Variants in ZBTB20 observed in about 807,000 individuals in gnomAD.
ZBTB20 encodes the protein zinc finger and BTB domain-containing protein 20.
In ZBTB20, 9 loss-of-function variants were observed where a neutral mutation model predicts 56.9. The observed-to-expected ratio is 0.16, with a 90% CI of 0.10 to 0.28. ZBTB20 has a LOEUF of 0.28. Ranked by LOEUF, ZBTB20 falls within the 10% of genes least tolerant of loss-of-function variation. The probability of loss-of-function intolerance (pLI) is 1.00; values close to 1 mark genes in which losing one functional copy is unlikely to be tolerated. For missense variants in ZBTB20, 655 were observed against 1,003.0 expected, an observed-to-expected ratio of 0.65 and a Z score of 4.69; for synonymous variants, 417 against 420.7, an observed-to-expected ratio of 0.99 and a Z score of 0.11.
chr3:114,460,144 G>T (rs2092258922), intron 7 of ZBTB20, among the ~76,000 whole-genome samples: 1 of 151,998 alleles, frequency 6.6e-6, no homozygotes, highest in Admixed American at 6.6e-5. Context: ...TTGAAAGATG[G>T]CTTTTATACT....
chr3:114,607,899 T>G (rs1351590562), intron 6 of ZBTB20, among the ~76,000 whole-genome samples: 2 of 152,214 alleles, frequency 1.3e-5, no homozygotes, highest in Non-Finnish European at 2.9e-5. Flanking sequence ...GCAGAAGAAT[T>G]TAACATTCGT....
At chr3:114,754,808 T>C (rs1267964166) in intron 5 of ZBTB20, among the ~76,000 whole-genome samples, 2 of 152,214 alleles carry the variant, frequency 1.3e-5, no homozygotes, top group Non-Finnish European at 2.9e-5. Context: ...TTGTCTAATC[T>C]AGGTGTTTCT....
chr3:115,067,845 T>C (rs760349101), intron 2 of ZBTB20, among the ~76,000 whole-genome samples: 1 of 152,146 alleles, frequency 6.6e-6, no homozygotes, highest in Non-Finnish European at 1.5e-5. Flanking sequence ...AATTTTATTG[T>C]TGCAGCAAAA....
At chr3:114,914,437 T>A (rs1301970185) in intron 3 of ZBTB20, among the ~76,000 whole-genome samples, 2 of 152,116 alleles carry the variant, frequency 1.3e-5, no homozygotes, top group Non-Finnish European at 2.9e-5. Flanking sequence ...TCCTGCAAAT[T>A]TACTGAATTT....
chr3:114,338,892 G>A lies in ZBTB20; in HGVS notation c.*113C>T. 1 of 1,293,528 alleles carries A rather than the reference G, an allele frequency of 7.7e-7. No individual in the cohort carries two copies. The highest frequency in any genetic ancestry group is 1.0e-6 in the Non-Finnish European group (1 of 963,706). 80.1% of individuals were successfully genotyped at this position (1,293,528 alleles called of 1,614,324 possible). A position where few individuals can be genotyped will look rare whatever the true frequency, so the allele number is the denominator to read the frequency against. The stretch of plus-strand genomic sequence containing the variant: ...ATGAAACGAAACAAAAACAAAAACA[G>A]AAAGTAAAAATGAAACCAAAACATT... On this transcript the variant is annotated 3_prime_UTR_variant, in exon 12 of 12. Transcript: ENST00000675478.
intron 1 of ZBTB20, among the ~76,000 whole-genome samples, chr3:115,073,707 G>C (rs1373025364): frequency 6.6e-6 from 1 of 151,188 alleles, no homozygotes; most frequent in Non-Finnish European, 1.5e-5. Flanking sequence ...ATTATAATGA[G>C]AAAAAATTGT....
intron 5 of ZBTB20, among the ~76,000 whole-genome samples, chr3:114,726,728 T>G (rs550821293): frequency 6.6e-6 from 1 of 150,422 alleles, no homozygotes; most frequent in Admixed American, 6.6e-5. Context: ...CTGGCTAACA[T>G]GGTGAAACCC....
intron 4 of ZBTB20, among the ~76,000 whole-genome samples, chr3:114,844,860 C>CT (rs11396350): frequency 0.9 from 116,991 of 130,600 alleles, 53,176 homozygotes; most frequent in South Asian, 0.97. Flanking sequence ...TTTTCTTTTT[C>CT]TTTTTTTTTT....
At chr3:114,532,499 T>C (rs929166344) in intron 6 of ZBTB20, among the ~76,000 whole-genome samples, 4 of 152,202 alleles carry the variant, frequency 2.6e-5, no homozygotes, top group African/African-American at 7.2e-5. Flanking sequence ...CAGGTGCTTA[T>C]AGATAAAACT....
Position 114,832,819 on chromosome 3 carries a change from G to A in ZBTB20, c.-416-31645C>T, listed in dbSNP as rs1452511979. 9.9e-5 allele frequency among the ~76,000 whole-genome samples: 15 copies of A among 152,146 alleles called. No individual in the cohort carries two copies. The East Asian group carries it at 2.5e-3, about 25-fold the overall frequency. On this transcript the variant is annotated intron_variant, in intron 4 of 11. Transcript: ENST00000675478. ...TACATAAATATTAACGAATATTTTA[G>A]GCCAAAATTTTGTGTTTGGTGATTG...
Position 114,614,704 on chromosome 3 carries a change from G to A in ZBTB20, c.-295+78824C>T, listed in dbSNP as rs572746156. ...GTAGCATAATGACTGAAGAAAGTTAGATTGTAGTGTCCAATCTCATAGTGG... is the reference window on the plus strand; with the variant it reads ...GTAGCATAATGACTGAAGAAAGTTAAATTGTAGTGTCCAATCTCATAGTGG... On this transcript the variant is annotated intron_variant, in intron 6 of 11. Transcript: ENST00000675478. 2.0e-5 allele frequency among the ~76,000 whole-genome samples: 3 copies of A among 152,196 alleles called. No homozygotes were observed. In the South Asian group the frequency reaches 6.2e-4, roughly 32 times the overall value.
intron 6 of ZBTB20, among the ~76,000 whole-genome samples, chr3:114,590,709 C>T (rs1260483427): frequency 6.6e-6 from 1 of 151,954 alleles, no homozygotes; most frequent in Non-Finnish European, 1.5e-5. Flanking sequence ...TTTGGAAGTC[C>T]TGGTAACTTT....
intron 6 of ZBTB20, among the ~76,000 whole-genome samples, chr3:114,523,795 G>A (rs1208263794): frequency 2.0e-5 from 3 of 152,188 alleles, no homozygotes; most frequent in Non-Finnish European, 2.9e-5. Flanking sequence ...GCGTAAGGAT[G>A]GGGGAGGAGG....
intron 6 of ZBTB20, among the ~76,000 whole-genome samples, chr3:114,631,035 G>T (rs1473382306): frequency 6.6e-6 from 1 of 152,056 alleles, no homozygotes; most frequent in Admixed American, 6.6e-5. Context: ...ACCTATAATA[G>T]AATATTTTAA....
chr3:114,866,110 TA>T (rs1195476550), intron 4 of ZBTB20, among the ~76,000 whole-genome samples: 1 of 152,224 alleles, frequency 6.6e-6, no homozygotes, highest in Admixed American at 6.5e-5. Context: ...GCAAAGATCT[TA>T]ACCACTATGA....
At chr3:114,456,707 A>G (rs7620131) in intron 7 of ZBTB20, among the ~76,000 whole-genome samples, 6,161 of 152,288 alleles carry the variant, frequency 0.04, 180 homozygotes, top group South Asian at 0.057. Flanking sequence ...CCCTTTTGAC[A>G]ATGGGTAATT....
At chr3:114,859,085 AT>A (rs1480769781) in intron 4 of ZBTB20, among the ~76,000 whole-genome samples, 1 of 152,134 alleles carries the variant, frequency 6.6e-6, no homozygotes, top group East Asian at 1.9e-4. Flanking sequence ...GAGAAAAAAA[AT>A]ATTTTTTAAA....
chr3:114,839,473 G>GAGAGAA (rs1560306982), intron 4 of ZBTB20, among the ~76,000 whole-genome samples: 1 of 101,996 alleles, frequency 9.8e-6, no homozygotes, highest in African/African-American at 3.8e-5. Context: ...GAAAGAGAGA[G>GAGAGAA]AGAAAGAAAG....
At chr3:114,524,123 T>C (rs1031020943) in intron 6 of ZBTB20, among the ~76,000 whole-genome samples, 4 of 152,184 alleles carry the variant, frequency 2.6e-5, no homozygotes, top group Non-Finnish European at 5.9e-5. Context: ...GTCCATGGAA[T>C]CTACGCTATA....
Sources: gnomAD v4.1 joint callset for allele counts (sites outside exome capture counted in the v4.1 genomes callset) on GRCh38, gnomAD v4.1.1 for gene constraint, MANE v1.5 for transcripts, NCBI Gene and HGNC (gene_info 2026-07-23, HGNC 2026-07-21) for gene names.